The following ASIP variants were observed in gnomAD, a reference collection of about 807,000 sequenced individuals.
ASIP encodes agouti-signaling protein.
Under a neutral mutation model 10.3 loss-of-function variants are expected in ASIP, and 11 were observed. The ratio of observed to expected loss-of-function variants is 1.07; its 90% CI spans 0.68 to 1.78. ASIP has a LOEUF of 1.78. Among genes scored for constraint, ASIP ranks in the 40% most tolerant of loss-of-function variants. The pLI, the probability that ASIP is intolerant of heterozygous loss-of-function variation, is 0.00. For synonymous variants in ASIP, 70 were observed against 70.8 expected (o/e 0.99, Z 0.06); for missense variants, 180 against 169.2 (o/e 1.06, Z -0.35).
intron 3 of ASIP, 27 bp from the exon 4 acceptor site, chr20:34,268,964 C>G (rs2035838883): frequency 4.4e-6 from 7 of 1,581,180 alleles, no homozygotes; most frequent in Non-Finnish European, 6.0e-6. Flanking sequence ...GTGGCCGGCT[C>G]ATAAAGCCCC....
At chr20:34,202,643 G>A (rs1013168372) in intron 1 of ASIP, among the ~76,000 whole-genome samples, 1 of 151,846 alleles carries the variant, frequency 6.6e-6, no homozygotes, top group Admixed American at 6.6e-5. Context: ...ATATGTGTGT[G>A]TTGTTCTGGA....
intron 1 of ASIP, among the ~76,000 whole-genome samples, chr20:34,207,899 C>T (rs942345045): frequency 6.6e-6 from 1 of 151,976 alleles, no homozygotes; most frequent in African/African-American, 2.4e-5. Flanking sequence ...ATGCCATTCT[C>T]CTGCCTCAGC....
intron 1 of ASIP, among the ~76,000 whole-genome samples, chr20:34,244,588 A>G (rs952195569): frequency 1.3e-5 from 2 of 152,202 alleles, no homozygotes; most frequent in African/African-American, 4.8e-5. Flanking sequence ...TCATTTTCCA[A>G]TTGTTCATTT....
At chr20:34,235,858 AAGGAAGGAAAGG>A (rs1243716284) in intron 1 of ASIP, among the ~76,000 whole-genome samples, 42 of 35,422 alleles carry the variant, frequency 1.2e-3, no homozygotes, top group African/African-American at 3.0e-3. Context: ...GGAAGGAAGG[AAGGAAGGAAAGG>A]AAGGAAGGAA....
At chr20:34,200,646 T>C (rs1601568713) in intron 1 of ASIP, among the ~76,000 whole-genome samples, 1 of 152,254 alleles carries the variant, frequency 6.6e-6, no homozygotes, top group Non-Finnish European at 1.5e-5. Flanking sequence ...ATGTAGTAGT[T>C]ACTTTGTACT....
chr20:34,218,816 C>A (rs992221324), intron 1 of ASIP, among the ~76,000 whole-genome samples: 23 of 152,086 alleles, frequency 1.5e-4, no homozygotes, highest in African/African-American at 5.6e-4. Context: ...GCGCCCGCCA[C>A]CACGCCCAGC....
intron 1 of ASIP, among the ~76,000 whole-genome samples, chr20:34,206,534 C>T (rs2122544190): frequency 6.6e-6 from 1 of 152,240 alleles, no homozygotes; most frequent in African/African-American, 2.4e-5. Context: ...TTTTTTATGG[C>T]AGAATAATAT....
chr20:34,260,332 C>A, intron 1 of ASIP, 33 bp from the exon 2 acceptor site: 1 of 1,593,170 alleles, frequency 6.3e-7, no homozygotes. Flanking sequence ...ACCCCTGACC[C>A]ACCCACCTGA....
intron 3 of ASIP, 75 bp from the exon 4 acceptor site, chr20:34,268,916 G>A: frequency 1.3e-6 from 2 of 1,531,306 alleles, no homozygotes; most frequent in South Asian, 2.4e-5. Context: ...CCTAGCCCGA[G>A]GAGCTCCCAG....
At chr20:34,216,030 G>C in intron 1 of ASIP, 1 of 650,228 alleles carries the variant, frequency 1.5e-6, no homozygotes. Context: ...GAACGGAGCC[G>C]AGCGGCGCAG....
rs2035671918 is a variant in ASIP, at chr20:34,260,529, T to C, written c.155T>C (p.Ile52Thr). Residue 52 changes from isoleucine (I) to threonine (T), a missense_variant, in exon 2 of 4, where the codon ATT becomes ACT. Ile to Thr is a moderately conservative substitution (Grantham distance 89). Transcript: ENST00000374954. ...CTACTGGATGTCCCTTCTGTCTCTA[T>C]TGTGGGTAAGTCACCTAGCCTCTGG... Reference protein sequence around the residue: ...VNLLDVPSVSIVALNKKSKQI... With the variant: ...VNLLDVPSVSTVALNKKSKQI... 6.2e-7 allele frequency: 1 copy of C among 1,610,952 alleles called. No homozygotes were observed. The highest frequency in any genetic ancestry group is 8.5e-7 in the Non-Finnish European group (1 of 1,177,844).
intron 1 of ASIP, among the ~76,000 whole-genome samples, chr20:34,234,485 C>CTCTTT (rs949067366): frequency 4.6e-5 from 7 of 151,954 alleles, no homozygotes; most frequent in Admixed American, 6.6e-5. Context: ...TTTTCCTTTT[C>CTCTTT]TCTTTTCTTT....
intron 3 of ASIP, among the ~76,000 whole-genome samples, chr20:34,267,418 T>A (rs997571634): frequency 7.9e-6 from 1 of 126,192 alleles, no homozygotes; most frequent in Non-Finnish European, 1.5e-5. Flanking sequence ...ACATCTGTAA[T>A]CTCAGCACTT....
At chr20:34,213,625 T>C (rs2034988915) in intron 1 of ASIP, 3 of 1,565,556 alleles carry the variant, frequency 1.9e-6, no homozygotes, top group Non-Finnish European at 2.6e-6. Flanking sequence ...CGTAATCTGG[T>C]TGATAAGAGG....
intron 2 of ASIP, among the ~76,000 whole-genome samples, chr20:34,260,990 AATC>A (rs111362661): frequency 2.0e-5 from 3 of 152,298 alleles, no homozygotes; most frequent in African/African-American, 7.2e-5. Context: ...ACCTGATAAT[AATC>A]ATAGACATAC....
Position 34,262,899 on chromosome 20 carries a change from G to C in ASIP, c.222+6G>C. 6.2e-7 allele frequency: 1 copy of C among 1,613,878 alleles called. No individual in the cohort carries two copies. Among genetic ancestry groups the C allele is most frequent in the Non-Finnish European group, 8.5e-7 (1 of 1,179,836 alleles). On this transcript the variant is annotated splice_donor_region_variant and intron_variant, in intron 3 of 3. Transcript: ENST00000374954. ...AAAAGAAAAGATCTTCTAAGGTAAG[G>C]GCAGGGAAGTTCTGGGAGTTCTCAT...
At chr20:34,226,935 A>G (rs2035097321) in intron 1 of ASIP, among the ~76,000 whole-genome samples, 1 of 152,194 alleles carries the variant, frequency 6.6e-6, no homozygotes. Context: ...AATAAGGAAC[A>G]AGGCAAGGAT....
At position 34,260,356 on chromosome 20, in the gene ASIP, C is replaced by A; in HGVS notation, c.-10-9C>A. On this transcript the variant is annotated splice_polypyrimidine_tract_variant and intron_variant, in intron 1 of 3. Coordinates refer to ENST00000374954, the MANE Select transcript of ASIP (RefSeq NM_001672.3). ...CCACCCACCTGACCACCTTCTCTGT[C>A]CCACTCAGGCCTCCTGGGATGGATG... The A allele has an allele frequency of 1.2e-6, 2 of 1,610,558 alleles. No homozygotes were observed. Among genetic ancestry groups the A allele is most frequent in the South Asian group, 1.1e-5 (1 of 90,566 alleles).
At chr20:34,223,705 C>T (rs1434980173) in intron 1 of ASIP, among the ~76,000 whole-genome samples, 29 of 144,732 alleles carry the variant, frequency 2.0e-4, no homozygotes, top group Non-Finnish European at 3.7e-4. Flanking sequence ...GCCACCACCC[C>T]GTCTGGGAGG....
Sources: gnomAD v4.1 joint callset for allele counts (sites outside exome capture counted in the v4.1 genomes callset) on GRCh38, gnomAD v4.1.1 for gene constraint, MANE v1.5 for transcripts, NCBI Gene and HGNC (gene_info 2026-07-23, HGNC 2026-07-21) for gene names.